Variants in NRXN3 observed in about 807,000 individuals in gnomAD.
NRXN3 encodes neurexin III.
A neutral mutation model predicts 137.6 loss-of-function variants in NRXN3; 32 were observed. The ratio of observed to expected loss-of-function variants is 0.23; its 90% CI spans 0.18 to 0.31. The LOEUF (loss-of-function observed/expected upper bound fraction) is 0.31, where lower values mean the gene tolerates loss of function less well. NRXN3 is among the 10% of genes least tolerant of loss of function. The pLI is 1.00. For missense variants in NRXN3, 1,574 were observed against 2,062.5 expected, an observed-to-expected ratio of 0.76 and a Z score of 4.59; for synonymous variants, 798 against 784.5, an observed-to-expected ratio of 1.02 and a Z score of -0.29.
intron 4 of NRXN3, among the ~76,000 whole-genome samples, chr14:78,470,126 A>G (rs2095230219): frequency 6.6e-6 from 1 of 152,150 alleles, no homozygotes; most frequent in Non-Finnish European, 1.5e-5. Flanking sequence ...ATCCTCCATA[A>G]GCCTCATCTA....
chr14:79,621,733 C>G (rs1365792128), intron 16 of NRXN3, among the ~76,000 whole-genome samples: 1 of 152,146 alleles, frequency 6.6e-6, no homozygotes, highest in African/African-American at 2.4e-5. Flanking sequence ...TCTTTAGACC[C>G]AATTTACAAA....
chr14:78,224,870 C>A (rs1167452613), intron 1 of NRXN3, among the ~76,000 whole-genome samples: 1 of 150,166 alleles, frequency 6.7e-6, no homozygotes, highest in East Asian at 2.0e-4. Context: ...AGGTTCACGC[C>A]ATTCTCCTGC....
At chr14:79,303,528 C>T (rs1212712180) in intron 15 of NRXN3, among the ~76,000 whole-genome samples, 1 of 151,980 alleles carries the variant, frequency 6.6e-6, no homozygotes, top group Non-Finnish European at 1.5e-5. Flanking sequence ...CACTGCACAT[C>T]CCTTGTGAAA....
At chr14:78,190,904 C>T (rs1383824129) in intron 1 of NRXN3, among the ~76,000 whole-genome samples, 2 of 152,084 alleles carry the variant, frequency 1.3e-5, no homozygotes, top group East Asian at 3.9e-4. Context: ...GGATGCCTGG[C>T]CTCAAGTGAT....
chr14:78,267,808 T>G (rs143797980), intron 2 of NRXN3, among the ~76,000 whole-genome samples: 4 of 152,336 alleles, frequency 2.6e-5, no homozygotes, highest in African/African-American at 9.6e-5. Context: ...TAGAAGACCA[T>G]GTAGGACCAC....
At chr14:79,106,457 A>G (rs891174579) in intron 15 of NRXN3, among the ~76,000 whole-genome samples, 13 of 152,230 alleles carry the variant, frequency 8.5e-5, no homozygotes, top group African/African-American at 3.1e-4. Flanking sequence ...GACACTGAAC[A>G]GAATTCTGCA....
intron 15 of NRXN3, among the ~76,000 whole-genome samples, chr14:79,416,379 A>G (rs1339303494): frequency 2.0e-5 from 3 of 152,110 alleles, no homozygotes; most frequent in African/African-American, 7.2e-5. Flanking sequence ...AATTGATTTA[A>G]AATATTGTAA....
At chr14:78,892,782 G>A (rs1028317345) in intron 10 of NRXN3, among the ~76,000 whole-genome samples, 1 of 144,428 alleles carries the variant, frequency 6.9e-6, no homozygotes, top group Admixed American at 6.7e-5. Flanking sequence ...TTCTGTGTGT[G>A]TGTGTGTGTG....
At chr14:79,468,928 C>T (rs1343897649) in intron 16 of NRXN3, among the ~76,000 whole-genome samples, 4 of 152,178 alleles carry the variant, frequency 2.6e-5, no homozygotes, top group African/African-American at 9.7e-5. Context: ...TGAGCCTGAG[C>T]TAACACATTT....
intron 4 of NRXN3, among the ~76,000 whole-genome samples, chr14:78,516,483 T>A: frequency 1.3e-5 from 2 of 151,284 alleles, no homozygotes; most frequent in Non-Finnish European, 2.9e-5. Context: ...ATTGCCCATC[T>A]TGGAACTCAG....
In NRXN3 at chr14:78,936,953, G is replaced by T. The variant is rs146082486; in HGVS notation, c.2276-20289G>T. ...TAGAGTCTCTCTGTGGGGCAAAGTG[G>T]CTCACGCCTGTAATCCCAGCACTTT... On this transcript the variant is annotated intron_variant, in intron 10 of 20. Transcript: ENST00000335750. Among the ~76,000 whole-genome samples the T allele has an allele frequency of 4.5e-3, 689 of 152,168 alleles. 3 individuals carry two copies. Among genetic ancestry groups the T allele is most frequent in the Non-Finnish European group, 7.6e-3 (517 of 67,988 alleles).
At chr14:78,787,834 T>G (rs6574471) in intron 8 of NRXN3, among the ~76,000 whole-genome samples, 8,949 of 152,214 alleles carry the variant, frequency 0.059, 919 homozygotes, top group African/African-American at 0.2. Context: ...TAACTTTGGA[T>G]TTTTGAATGC....
At chr14:78,444,510 A>G (rs2094355521) in intron 4 of NRXN3, among the ~76,000 whole-genome samples, 1 of 152,296 alleles carries the variant, frequency 6.6e-6, no homozygotes, top group East Asian at 1.9e-4. Context: ...GTTTCCTCCC[A>G]GTCATTCAGC....
At chr14:78,637,977 A>G (rs1210591987) in intron 4 of NRXN3, among the ~76,000 whole-genome samples, 2 of 152,246 alleles carry the variant, frequency 1.3e-5, no homozygotes, top group African/African-American at 4.8e-5. Flanking sequence ...GTTGACAGCA[A>G]TTCAGTCTTT....
chr14:78,255,124 G>T (rs1048835256), intron 2 of NRXN3, among the ~76,000 whole-genome samples: 1 of 145,552 alleles, frequency 6.9e-6, no homozygotes, highest in Non-Finnish European at 1.5e-5. Flanking sequence ...AGTCTTGGCC[G>T]TCAGCCATCT....
intron 4 of NRXN3, among the ~76,000 whole-genome samples, chr14:78,617,391 T>C (rs767455281): frequency 6.6e-6 from 1 of 152,146 alleles, no homozygotes; most frequent in Non-Finnish European, 1.5e-5. Flanking sequence ...ATGGTAGTGT[T>C]AAGAGTTTTT....
intron 15 of NRXN3, among the ~76,000 whole-genome samples, chr14:79,278,087 AG>A (rs920300443): frequency 6.6e-6 from 1 of 152,122 alleles, no homozygotes; most frequent in African/African-American, 2.4e-5. Context: ...CTTTATCCTC[AG>A]GGGGTTTGAA....
chr14:78,747,048 C>T (rs1355234850), intron 8 of NRXN3, among the ~76,000 whole-genome samples: 3 of 152,090 alleles, frequency 2.0e-5, no homozygotes, highest in African/African-American at 7.2e-5. Context: ...GTATGAACCT[C>T]ACCATTTTAG....
chr14:78,367,383 A>G (rs1160217651), intron 4 of NRXN3, among the ~76,000 whole-genome samples: 1 of 152,100 alleles, frequency 6.6e-6, no homozygotes, highest in African/African-American at 2.4e-5. Flanking sequence ...TAAATTAAAA[A>G]ATCAATCAAT....
Sources: gnomAD v4.1 joint callset for allele counts (sites outside exome capture counted in the v4.1 genomes callset) on GRCh38, gnomAD v4.1.1 for gene constraint, MANE v1.5 for transcripts, NCBI Gene and HGNC (gene_info 2026-07-23, HGNC 2026-07-21) for gene names.